Variants in YAF2 observed in about 807,000 individuals in gnomAD.
The protein encoded by YAF2 is YY1 associated factor 2, also known as YY1-associated factor 2.
In YAF2, 7 loss-of-function variants were observed where a neutral mutation model predicts 20.1. The observed-to-expected ratio is 0.35, with a 90% CI of 0.20 to 0.65. The LOEUF (loss-of-function observed/expected upper bound fraction) is 0.65. Ranked by LOEUF, YAF2 falls within the 30% of genes least tolerant of loss-of-function variation. The pLI is 0.69. For synonymous variants in YAF2, 74 were observed against 76.0 expected (o/e 0.97, Z 0.14); for missense variants, 151 against 219.2 (o/e 0.69, Z 1.96).
At chr12:42,211,015 T>C (rs2067192272) in intron 2 of YAF2, among the ~76,000 whole-genome samples, 1 of 152,230 alleles carries the variant, frequency 6.6e-6, no homozygotes, top group South Asian at 2.1e-4. Flanking sequence ...CTATCATTTC[T>C]TAACTAGCCA....
chr12:42,229,502 G>T (rs554023726), intron 2 of YAF2, among the ~76,000 whole-genome samples: 1 of 151,496 alleles, frequency 6.6e-6, no homozygotes, highest in African/African-American at 2.4e-5. Flanking sequence ...TGAATAAGAC[G>T]GTCTCTGCCC....
chr12:42,185,226 G>A (rs564048023), intron 2 of YAF2, among the ~76,000 whole-genome samples: 3 of 152,094 alleles, frequency 2.0e-5, no homozygotes, highest in African/African-American at 7.2e-5. Flanking sequence ...AGAATTAGTG[G>A]AACAAGAAGA....
intron 2 of YAF2, among the ~76,000 whole-genome samples, chr12:42,206,868 T>G (rs764391338): frequency 2.0e-5 from 3 of 152,164 alleles, no homozygotes; most frequent in Non-Finnish European, 4.4e-5. Flanking sequence ...TCTCCTCATC[T>G]TTTTTTAAAA....
intron 2 of YAF2, among the ~76,000 whole-genome samples, chr12:42,206,219 A>C (rs1042231741): frequency 1.3e-5 from 2 of 148,876 alleles, no homozygotes; most frequent in Non-Finnish European, 3.0e-5. Flanking sequence ...TCAAGATTTT[A>C]ATTGGTTATT....
intron 2 of YAF2, among the ~76,000 whole-genome samples, chr12:42,196,888 C>A (rs1006939357): frequency 6.6e-6 from 1 of 152,084 alleles, no homozygotes; most frequent in Non-Finnish European, 1.5e-5. Flanking sequence ...AGCTCAAAGA[C>A]AAAGCTGATG....
At chr12:42,181,569 C>G (rs534730553) in intron 2 of YAF2, among the ~76,000 whole-genome samples, 1 of 152,310 alleles carries the variant, frequency 6.6e-6, no homozygotes, top group South Asian at 2.1e-4. Flanking sequence ...ATTGTATGCT[C>G]TACAGGTAGC....
intron 2 of YAF2, among the ~76,000 whole-genome samples, chr12:42,171,919 G>A (rs954314680): frequency 1.3e-4 from 20 of 152,226 alleles, no homozygotes; most frequent in African/African-American, 4.1e-4. Context: ...AGCCATGACC[G>A]TTCCACTGCA....
At chr12:42,204,973 G>C (rs949713161) in intron 2 of YAF2, among the ~76,000 whole-genome samples, 1 of 151,326 alleles carries the variant, frequency 6.6e-6, no homozygotes, top group African/African-American at 2.4e-5. Flanking sequence ...GCAAAACTCT[G>C]TAAAAATACT....
intron 2 of YAF2, among the ~76,000 whole-genome samples, chr12:42,229,467 T>G (rs2067910728): frequency 6.6e-6 from 1 of 152,132 alleles, no homozygotes; most frequent in Non-Finnish European, 1.5e-5. Flanking sequence ...TTCAGGTATT[T>G]TATTAGCTTC....
intron 2 of YAF2, chr12:42,210,746 A>G (rs886854984): frequency 2.8e-6 from 4 of 1,419,236 alleles, no homozygotes; most frequent in Admixed American, 2.4e-5. Context: ...CTACAGAAGA[A>G]AGCATAAATT....
chr12:42,225,315 T>C (rs1452634172), intron 2 of YAF2, among the ~76,000 whole-genome samples: 1 of 152,248 alleles, frequency 6.6e-6, no homozygotes, highest in Non-Finnish European at 1.5e-5. Flanking sequence ...GTAGGTTGCC[T>C]GTTCACTCTG....
At chr12:42,236,860 G>A (rs968617009) in intron 2 of YAF2, among the ~76,000 whole-genome samples, 3 of 152,136 alleles carry the variant, frequency 2.0e-5, no homozygotes, top group African/African-American at 7.2e-5. Flanking sequence ...TGAATTTCCT[G>A]GATGATTTTC....
chr12:42,228,744 A>G (rs2067871434), intron 2 of YAF2, among the ~76,000 whole-genome samples: 2 of 64,716 alleles, frequency 3.1e-5, no homozygotes, highest in Non-Finnish European at 5.6e-5. Flanking sequence ...CTGGGAAGTG[A>G]GGAGCCCCTC....
intron 2 of YAF2, chr12:42,232,245 C>A (rs1371991812): frequency 5.1e-6 from 1 of 194,216 alleles, no homozygotes; most frequent in African/African-American, 2.4e-5. Flanking sequence ...TGCTTTGATT[C>A]ATGCTAAGGT....
chr12:42,210,613 T>C (rs1371761701), intron 2 of YAF2: 3 of 1,536,104 alleles, frequency 2.0e-6, no homozygotes, highest in Non-Finnish European at 1.7e-6. Flanking sequence ...CTTCAAACAA[T>C]GTGGATCTGT....
At chr12:42,192,227 G>T (rs1051509166) in intron 2 of YAF2, among the ~76,000 whole-genome samples, 1 of 152,064 alleles carries the variant, frequency 6.6e-6, no homozygotes. Context: ...CTAGATTTTG[G>T]CTGAGCATCG....
rs372465847 is a variant in YAF2 at position 42,158,519 on chromosome 12, T to C, written c.*2070A>G. On this transcript the variant is annotated 3_prime_UTR_variant, in exon 4 of 4. Coordinates refer to ENST00000534854, the MANE Select transcript of YAF2 (RefSeq NM_005748.6). The stretch of plus-strand genomic sequence containing the variant: ...TGACTTAATCCTCCCAAAAACCCTA[T>C]AAATTAGATGTGATTACCATTATTA... 2.6e-5 allele frequency: 4 copies of C among 152,306 alleles called. No individual in the cohort carries two copies. The East Asian group carries it at 5.8e-4, about 22-fold the overall frequency. 9.4% of individuals were successfully genotyped at this position (152,306 alleles called of 1,614,324 possible).
chr12:42,196,072 A>T (rs1021468580), intron 2 of YAF2, among the ~76,000 whole-genome samples: 2 of 151,984 alleles, frequency 1.3e-5, no homozygotes, highest in African/African-American at 4.8e-5. Flanking sequence ...AGACACAAAA[A>T]TTAGCAGGGT....
chr12:42,228,386 G>A (rs1279499725), intron 2 of YAF2, among the ~76,000 whole-genome samples: 2 of 55,332 alleles, frequency 3.6e-5, no homozygotes, highest in Non-Finnish European at 6.3e-5. Flanking sequence ...GAAGTGAGGA[G>A]CCTCTCTGCC....
Sources: gnomAD v4.1 joint callset for allele counts (sites outside exome capture counted in the v4.1 genomes callset) on GRCh38, gnomAD v4.1.1 for gene constraint, MANE v1.5 for transcripts, NCBI Gene and HGNC (gene_info 2026-07-23, HGNC 2026-07-21) for gene names.